Variants in PKNOX2 observed in about 807,000 individuals in gnomAD.
PKNOX2 encodes PBX/knotted 1 homeobox 2.
In PKNOX2, 14 loss-of-function variants were observed where a neutral mutation model predicts 53.1. That is an observed-to-expected ratio of 0.26 (90% CI 0.17 to 0.41). PKNOX2 has a LOEUF of 0.41. Among genes scored for constraint, PKNOX2 ranks in the 10% least tolerant of loss-of-function variants. PKNOX2 has a pLI of 1.00. For missense variants in PKNOX2, 496 were observed against 602.8 expected, an observed-to-expected ratio of 0.82 and a Z score of 1.85; for synonymous variants, 257 against 242.8, an observed-to-expected ratio of 1.06 and a Z score of -0.54.
chr11:125,334,621 C>T (rs1288763796), intron 3 of PKNOX2, among the ~76,000 whole-genome samples: 3 of 147,108 alleles, frequency 2.0e-5, no homozygotes, highest in African/African-American at 7.5e-5. Flanking sequence ...TTTTTTGAGA[C>T]AGGGTCTCAC....
intron 6 of PKNOX2, among the ~76,000 whole-genome samples, chr11:125,386,071 C>T (rs1565512882): frequency 1.3e-5 from 2 of 152,198 alleles, no homozygotes; most frequent in South Asian, 4.1e-4. Flanking sequence ...GGCATGTTAG[C>T]AAATCTGTCT....
rs3832749 is a variant in PKNOX2 at position 125,431,296 on chromosome 11, AGAG to A, written c.1339_1341del (p.Glu447del). Reference sequence around the variant, plus strand: ...AAGAAGAGGATGAGGATGAGATGGAAGAGGAGGAGGAGGAGGAGCTGGAGGAGG... The same window carrying A: ...AAGAAGAGGATGAGGATGAGATGGAAGAGGAGGAGGAGGAGCTGGAGGAGG... On this transcript the variant is annotated inframe_deletion, in exon 13 of 13. Transcript: ENST00000298282. The A allele has an allele frequency of 0.1, 166,069 of 1,610,674 alleles. 9,653 individuals are homozygous for A. Among genetic ancestry groups the A allele is most frequent in the Non-Finnish European group, 0.11 (128,719 of 1,177,960 alleles).
At chr11:125,183,203 T>TCTGACAGTAGCTTGCCTGC (rs1565463506) in intron 1 of PKNOX2, among the ~76,000 whole-genome samples, 8 of 46,504 alleles carry the variant, frequency 1.7e-4, no homozygotes, top group South Asian at 1.0e-3. Flanking sequence ...GAATCCTTTT[T>TCTGACAGTAGCTTGCCTGC]TTTTTTTTTT....
intron 2 of PKNOX2, among the ~76,000 whole-genome samples, chr11:125,265,383 A>T (rs11825924): frequency 0.17 from 26,079 of 152,042 alleles, 4,644 homozygotes; most frequent in African/African-American, 0.44. Context: ...TTTCCGATTC[A>T]ATGAACAAAC....
intron 2 of PKNOX2, among the ~76,000 whole-genome samples, chr11:125,249,056 T>A (rs1048937597): frequency 3.7e-5 from 4 of 109,422 alleles, no homozygotes; most frequent in African/African-American, 1.4e-4. Context: ...ATATTATATA[T>A]AATATATATA....
chr11:125,407,237 C>T (rs1255785485), intron 7 of PKNOX2, among the ~76,000 whole-genome samples: 3 of 152,120 alleles, frequency 2.0e-5, no homozygotes, highest in Non-Finnish European at 2.9e-5. Flanking sequence ...CCTTAGTTAC[C>T]CAAATTGGGT....
chr11:125,203,116 G>T (rs1938639210), intron 1 of PKNOX2, among the ~76,000 whole-genome samples: 2 of 152,118 alleles, frequency 1.3e-5, no homozygotes, highest in African/African-American at 2.4e-5. Context: ...CAGAGTTCAG[G>T]CTAGGACCTC....
intron 1 of PKNOX2, among the ~76,000 whole-genome samples, chr11:125,218,535 G>T (rs1016109928): frequency 1.3e-5 from 2 of 152,172 alleles, no homozygotes; most frequent in Non-Finnish European, 2.9e-5. Context: ...CTGAGCAAAA[G>T]CACGGAGGTG....
rs7107770 is a variant in PKNOX2 at position 125,230,542 on chromosome 11, G to T, written c.-200-4503G>T. 9.9e-5 allele frequency among the ~76,000 whole-genome samples: 15 copies of T among 152,170 alleles called. 1 individual carries two copies. The South Asian group carries it at 1.7e-3, about 17-fold the overall frequency. ...CAAAGTTTTGTTTCTCTTCTGGAAG[G>T]TTGGCTTATAGGCCTACAGAGGGCT... On this transcript the variant is annotated intron_variant, in intron 1 of 12. Coordinates refer to ENST00000298282, the MANE Select transcript of PKNOX2 (RefSeq NM_001382323.2).
chr11:125,377,521 G>C (rs1952912857), intron 5 of PKNOX2, among the ~76,000 whole-genome samples: 1 of 152,210 alleles, frequency 6.6e-6, no homozygotes, highest in South Asian at 2.1e-4. Flanking sequence ...AAAGGGCAAA[G>C]ATGGGCACAG....
intron 3 of PKNOX2, among the ~76,000 whole-genome samples, chr11:125,346,799 A>C (rs1950997145): frequency 1.3e-5 from 2 of 149,898 alleles, no homozygotes; most frequent in South Asian, 4.2e-4. Context: ...GGAAGGGAGG[A>C]AGGAAAGGAG....
At chr11:125,350,733 C>T (rs1045948477) in intron 3 of PKNOX2, among the ~76,000 whole-genome samples, 2 of 152,174 alleles carry the variant, frequency 1.3e-5, no homozygotes, top group African/African-American at 4.8e-5. Context: ...GGCCGTCCTC[C>T]GTCTCACAGT....
At position 125,385,630 on chromosome 11, in the gene PKNOX2, G is replaced by T. The variant is rs199787185; in HGVS notation, c.307G>T (p.Ala103Ser). 3 of 1,613,794 alleles carry T rather than the reference G, an allele frequency of 1.9e-6. No individual in the cohort carries two copies. Among genetic ancestry groups the T allele is most frequent in the African/African-American group, 1.3e-5 (1 of 74,900 alleles). ...CCAGGGCTCTGAGTGCATCACCTCC[G>T]CCAGCTTTGATGTGGACATCGAGAA... Reference protein sequence around the residue: ...ATQGSECITSASFDVDIENFV... With the variant: ...ATQGSECITSSSFDVDIENFV... Residue 103 changes from alanine to serine, a missense_variant, in exon 6 of 13, where the codon GCC (alanine) becomes TCC (serine). Coordinates refer to ENST00000298282, the MANE Select transcript of PKNOX2 (RefSeq NM_001382323.2).
intron 6 of PKNOX2, among the ~76,000 whole-genome samples, chr11:125,393,389 GCTT>G (rs1296966639): frequency 6.6e-6 from 1 of 152,142 alleles, no homozygotes; most frequent in African/African-American, 2.4e-5. Context: ...ATAAGGAAAA[GCTT>G]CTAATCAGCA....
chr11:125,189,441 G>GTATATA (rs1956706529), intron 1 of PKNOX2, among the ~76,000 whole-genome samples: 1 of 57,958 alleles, frequency 1.7e-5, no homozygotes, highest in Non-Finnish European at 3.2e-5. Context: ...GTGTGTGTGT[G>GTATATA]TGTGTGTATA....
At chr11:125,327,202 T>C (rs1237245029) in intron 2 of PKNOX2, among the ~76,000 whole-genome samples, 1 of 152,200 alleles carries the variant, frequency 6.6e-6, no homozygotes, top group African/African-American at 2.4e-5. Flanking sequence ...CCAACTCATC[T>C]GCAAAAAGCC....
intron 2 of PKNOX2, among the ~76,000 whole-genome samples, chr11:125,283,492 G>A (rs1483530581): frequency 2.0e-5 from 3 of 152,198 alleles, no homozygotes; most frequent in African/African-American, 7.2e-5. Flanking sequence ...AGAAATAATT[G>A]AAATATATGA....
chr11:125,368,083 G>C, intron 5 of PKNOX2, 98 bp downstream of exon 5: 1 of 1,430,616 alleles, frequency 7.0e-7, no homozygotes, highest in Non-Finnish European at 9.3e-7. Flanking sequence ...GGGCTCGGCA[G>C]AGATGACGGC....
chr11:125,384,468 G>A (rs1258478925), intron 5 of PKNOX2, among the ~76,000 whole-genome samples: 2 of 152,264 alleles, frequency 1.3e-5, no homozygotes, highest in African/African-American at 4.8e-5. Context: ...GGCGGATCAC[G>A]AGGTCAGGAG....
Sources: gnomAD v4.1 joint callset for allele counts (sites outside exome capture counted in the v4.1 genomes callset) on GRCh38, gnomAD v4.1.1 for gene constraint, MANE v1.5 for transcripts, NCBI Gene and HGNC (gene_info 2026-07-23, HGNC 2026-07-21) for gene names.